Variants in ERBB4 observed in about 807,000 individuals in gnomAD.
The protein encoded by ERBB4 is erb-b2 receptor tyrosine kinase 4.
ERBB4 carries 42 observed loss-of-function variants against 158.0 expected under a neutral mutation model. The ratio of observed to expected loss-of-function variants is 0.27; its 90% CI spans 0.21 to 0.34. ERBB4 has a LOEUF of 0.34. Among genes scored for constraint, ERBB4 ranks in the 10% least tolerant of loss-of-function variants. The probability of loss-of-function intolerance (pLI) is 1.00; values close to 1 mark genes in which losing one functional copy is unlikely to be tolerated. For missense variants in ERBB4, 1,333 were observed against 1,624.1 expected (o/e 0.82, Z 3.08); for synonymous variants, 583 against 558.7 (o/e 1.04, Z -0.61).
chr2:211,995,077 G>A (rs558707076), intron 2 of ERBB4, among the ~76,000 whole-genome samples: 46 of 152,276 alleles, frequency 3.0e-4, no homozygotes, highest in African/African-American at 1.1e-3. Context: ...TGAGTGGGGA[G>A]GATGCCCAGA....
At chr2:212,329,854 G>T (rs1015215993) in intron 1 of ERBB4, among the ~76,000 whole-genome samples, 1 of 152,014 alleles carries the variant, frequency 6.6e-6, no homozygotes, top group Non-Finnish European at 1.5e-5. Flanking sequence ...CCTTTAGAAA[G>T]AGAAAAATCT....
intron 3 of ERBB4, among the ~76,000 whole-genome samples, chr2:211,937,608 A>G (rs1006647807): frequency 5.9e-5 from 9 of 152,070 alleles, no homozygotes; most frequent in Admixed American, 5.2e-4. Flanking sequence ...ATCATGGGAG[A>G]AGGGGAAGCA....
At chr2:211,921,661 G>A (rs2125078392) in intron 3 of ERBB4, among the ~76,000 whole-genome samples, 1 of 152,150 alleles carries the variant, frequency 6.6e-6, no homozygotes, top group East Asian at 1.9e-4. Context: ...AGAGTGACTG[G>A]TTGAAGGCAG....
intron 2 of ERBB4, among the ~76,000 whole-genome samples, chr2:212,117,537 G>A (rs1167257658): frequency 2.0e-5 from 3 of 152,058 alleles, no homozygotes; most frequent in Middle Eastern, 3.2e-3. Flanking sequence ...TCATTTACTT[G>A]TTCACCTTTT....
intron 1 of ERBB4, among the ~76,000 whole-genome samples, chr2:212,413,476 C>T (rs1222794700): frequency 6.6e-6 from 1 of 151,878 alleles, no homozygotes; most frequent in Non-Finnish European, 1.5e-5. Flanking sequence ...ATTGGATAAG[C>T]CATTTTTAAC....
intron 4 of ERBB4, among the ~76,000 whole-genome samples, chr2:211,764,036 TATA>T (rs2075485830): frequency 6.6e-6 from 1 of 152,172 alleles, no homozygotes; most frequent in Non-Finnish European, 1.5e-5. Context: ...TGATGGAGGT[TATA>T]AGAAAATGAC....
At chr2:211,551,554 G>T (rs913432476) in intron 20 of ERBB4, among the ~76,000 whole-genome samples, 10 of 152,084 alleles carry the variant, frequency 6.6e-5, no homozygotes, top group African/African-American at 2.4e-4. Context: ...CTTCCAAACA[G>T]TATTAAATGT....
chr2:211,433,435 G>C (rs2063785725), intron 20 of ERBB4, among the ~76,000 whole-genome samples: 1 of 151,970 alleles, frequency 6.6e-6, no homozygotes, highest in East Asian at 1.9e-4. Flanking sequence ...CAAAAAATTA[G>C]CCAGGTGTGA....
intron 3 of ERBB4, among the ~76,000 whole-genome samples, chr2:211,923,712 G>GTTGTATTGTATTGTATTGTATTGTA: frequency 1.3e-5 from 2 of 151,676 alleles, no homozygotes; most frequent in South Asian, 4.2e-4. Context: ...CATAATCTAA[G>GTTGTATTGTATTGTATTGTATTGTA]TTGTATTGTA....
intron 3 of ERBB4, among the ~76,000 whole-genome samples, chr2:211,871,394 TAGTTA>T (rs2106114689): frequency 6.6e-6 from 1 of 152,232 alleles, no homozygotes; most frequent in South Asian, 2.1e-4. Context: ...TTTTTTCTGG[TAGTTA>T]ATCAAGTAAT....
intron 1 of ERBB4, among the ~76,000 whole-genome samples, chr2:212,442,269 G>A (rs1413188914): frequency 6.6e-6 from 1 of 150,506 alleles, no homozygotes; most frequent in Non-Finnish European, 1.5e-5. Context: ...TACAAAAAAA[G>A]GGAATCATGG....
intron 20 of ERBB4, among the ~76,000 whole-genome samples, chr2:211,452,516 T>G (rs2064275064): frequency 1.3e-5 from 2 of 152,200 alleles, no homozygotes; most frequent in South Asian, 4.1e-4. Context: ...TCTTACCATT[T>G]TCTTCAAAAT....
intron 1 of ERBB4, among the ~76,000 whole-genome samples, chr2:212,166,388 T>C (rs1490857560): frequency 1.3e-5 from 2 of 152,100 alleles, no homozygotes; most frequent in Non-Finnish European, 2.9e-5. Flanking sequence ...CCTATTTGTT[T>C]AGTATTTTAC....
At chr2:211,587,586 A>G (rs1283681615) in intron 19 of ERBB4, among the ~76,000 whole-genome samples, 1 of 151,958 alleles carries the variant, frequency 6.6e-6, no homozygotes, top group Non-Finnish European at 1.5e-5. Flanking sequence ...TGCCAACACC[A>G]TCATTTTGGA....
At chr2:211,543,256 C>A (rs991783867) in intron 20 of ERBB4, among the ~76,000 whole-genome samples, 1 of 151,956 alleles carries the variant, frequency 6.6e-6, no homozygotes, top group Non-Finnish European at 1.5e-5. Flanking sequence ...GCAGCAACAT[C>A]AGTAGCTTTG....
chr2:212,268,806 T>C lies in ERBB4; in HGVS notation c.83-143903A>G, dbSNP rs550368170. Among the ~76,000 whole-genome samples, 17 of 151,950 alleles carry C rather than the reference T, an allele frequency of 1.1e-4. No homozygotes were observed. In the East Asian group the frequency reaches 2.5e-3, roughly 23 times the overall value. ...TTTGCCAAATCCTGCTCTAGTCTCA[T>C]GAACTAGGAGGGATGCTGAGCTGAA... On this transcript the variant is annotated intron_variant, in intron 1 of 27. Coordinates refer to ENST00000342788, the MANE Select transcript of ERBB4 (RefSeq NM_005235.3).
intron 13 of ERBB4, among the ~76,000 whole-genome samples, chr2:211,676,444 G>A (rs1340902018): frequency 6.6e-6 from 1 of 152,042 alleles, no homozygotes; most frequent in African/African-American, 2.4e-5. Context: ...CTTTTGGTTA[G>A]CTTTCATTGT....
intron 13 of ERBB4, among the ~76,000 whole-genome samples, chr2:211,673,629 G>C (rs979341689): frequency 1.3e-5 from 2 of 151,242 alleles, no homozygotes; most frequent in African/African-American, 4.9e-5. Context: ...TTTACTCTTG[G>C]AGAAGCTTTT....
intron 7 of ERBB4, among the ~76,000 whole-genome samples, chr2:211,717,046 T>C (rs1292973294): frequency 6.6e-6 from 1 of 152,172 alleles, no homozygotes; most frequent in Non-Finnish European, 1.5e-5. Flanking sequence ...TAATTCAAAT[T>C]TTCCTGGTAC....
Sources: allele counts gnomAD v4.1 joint callset (sites outside exome capture counted in the v4.1 genomes callset), GRCh38; gene constraint gnomAD v4.1.1; transcripts MANE v1.5; gene names NCBI Gene and HGNC (gene_info 2026-07-23, HGNC 2026-07-21).